The following SHC3 variants were observed in gnomAD, a reference collection of about 807,000 sequenced individuals.
SHC3 encodes the protein SHC-transforming protein 3.
Under a neutral mutation model 60.4 loss-of-function variants are expected in SHC3, and 15 were observed. The observed-to-expected ratio is 0.25, with a 90% CI of 0.17 to 0.38. The LOEUF (loss-of-function observed/expected upper bound fraction) is 0.38, where lower values mean the gene tolerates loss of function less well. SHC3 is among the 10% of genes least tolerant of loss of function. The pLI is 1.00. For synonymous variants in SHC3, 294 were observed against 325.9 expected (o/e 0.90, Z 1.05); for missense variants, 677 against 786.1 (o/e 0.86, Z 1.66).
rs374660769 is a variant in SHC3 at position 89,067,774 on chromosome 9, CA to C, written c.784-2195del. Among the ~76,000 whole-genome samples the C allele has an allele frequency of 3.4e-3, 519 of 152,254 alleles. 4 individuals are homozygous for C. Among genetic ancestry groups the C allele is most frequent in the African/African-American group, 0.012 (502 of 41,554 alleles). On this transcript the variant is annotated intron_variant, in intron 5 of 11. Transcript: ENST00000375835. ...TTTCAGCGAACTTTGTCCATCATAG[CA>C]AAGTAATATTACATTGAATGTCATT... is the stretch of plus-strand genomic sequence containing the variant.
intron 1 of SHC3, among the ~76,000 whole-genome samples, chr9:89,145,599 A>C (rs1314971878): frequency 6.6e-6 from 1 of 152,262 alleles, no homozygotes; most frequent in Non-Finnish European, 1.5e-5. Flanking sequence ...CAAAGTACAG[A>C]AGTAAGAATA....
chr9:89,088,202 G>A (rs1031702236), intron 2 of SHC3, among the ~76,000 whole-genome samples: 3 of 152,204 alleles, frequency 2.0e-5, no homozygotes, highest in Admixed American at 1.3e-4. Context: ...TCTTAACCCC[G>A]ACACTCCTTT....
intron 1 of SHC3, among the ~76,000 whole-genome samples, chr9:89,158,885 T>C (rs1826665246): frequency 6.6e-6 from 1 of 152,212 alleles, no homozygotes; most frequent in East Asian, 1.9e-4. Context: ...TGACATTTGC[T>C]TTGTTGGGTG....
intron 10 of SHC3, among the ~76,000 whole-genome samples, chr9:89,041,649 G>A (rs1587690589): frequency 1.3e-5 from 2 of 152,330 alleles, no homozygotes; most frequent in Admixed American, 1.3e-4. Flanking sequence ...CTAGAGATCC[G>A]TGGAAACACG....
intron 4 of SHC3, 132 bp from the exon 5 acceptor site, chr9:89,071,384 G>T: frequency 1.2e-6 from 1 of 821,582 alleles, no homozygotes; most frequent in South Asian, 1.8e-5. Context: ...TAAAAATAAT[G>T]ATTATAAAAG....
intron 10 of SHC3, among the ~76,000 whole-genome samples, chr9:89,040,627 T>G (rs1474620276): frequency 6.6e-6 from 1 of 152,164 alleles, no homozygotes; most frequent in African/African-American, 2.4e-5. Context: ...CTATAACAAC[T>G]CCAGCAAAAG....
In SHC3 at chr9:89,102,025, C is replaced by CT. The variant is rs1220062651; in HGVS notation, c.545+10530dup. 4.6e-5 allele frequency among the ~76,000 whole-genome samples: 7 copies of CT among 152,156 alleles called. No individual in the cohort carries two copies. In the East Asian group the frequency reaches 1.2e-3, roughly 25 times the overall value. ...AGATACAGGCCTATTCAGATTATCT[C>CT]TTTTTTTCTTTAGCAAACATTAGTA... On this transcript the variant is annotated intron_variant, in intron 2 of 11. Transcript: ENST00000375835.
chr9:89,172,835 T>C (rs890554389), intron 1 of SHC3, among the ~76,000 whole-genome samples: 2 of 152,192 alleles, frequency 1.3e-5, no homozygotes, highest in South Asian at 4.1e-4. Context: ...CTTGGGTATT[T>C]TCATTGAACA....
intron 9 of SHC3, among the ~76,000 whole-genome samples, chr9:89,044,236 T>C (rs1824736697): frequency 6.6e-6 from 1 of 152,172 alleles, no homozygotes; most frequent in Non-Finnish European, 1.5e-5. Flanking sequence ...CAAGGATAAA[T>C]AGCCCATAAT....
intron 1 of SHC3, among the ~76,000 whole-genome samples, chr9:89,171,834 A>G (rs1257672417): frequency 6.6e-6 from 1 of 152,150 alleles, no homozygotes; most frequent in Admixed American, 6.5e-5. Flanking sequence ...TAGAAACCCA[A>G]ATCTTCACTA....
At chr9:89,086,643 A>G (rs532783840) in intron 2 of SHC3, among the ~76,000 whole-genome samples, 35 of 152,268 alleles carry the variant, frequency 2.3e-4, no homozygotes, top group African/African-American at 8.2e-4. Context: ...TGATCACTTA[A>G]TCTTCAGCCC....
At chr9:89,131,215 T>G (rs981764718) in intron 1 of SHC3, among the ~76,000 whole-genome samples, 1 of 152,096 alleles carries the variant, frequency 6.6e-6, no homozygotes, top group African/African-American at 2.4e-5. Flanking sequence ...AAGGAAGAAG[T>G]TGAATCCCTG....
intron 1 of SHC3, among the ~76,000 whole-genome samples, chr9:89,160,409 T>C (rs187717508): frequency 1.3e-5 from 2 of 152,284 alleles, no homozygotes; most frequent in Admixed American, 6.5e-5. Flanking sequence ...TTAACACCTT[T>C]TTAGAACATA....
intron 1 of SHC3, among the ~76,000 whole-genome samples, chr9:89,122,157 C>T (rs1329038016): frequency 6.6e-6 from 1 of 152,230 alleles, no homozygotes; most frequent in African/African-American, 2.4e-5. Context: ...ATCCATTTCA[C>T]ATGCACTCAT....
At chr9:89,035,872 T>C (rs1824570933) in intron 11 of SHC3, among the ~76,000 whole-genome samples, 1 of 147,754 alleles carries the variant, frequency 6.8e-6, no homozygotes, top group Admixed American at 6.8e-5. Flanking sequence ...TGTGTGTGTG[T>C]GTGTGTGTGT....
rs571159974 is a variant in SHC3, at chr9:89,009,411, A to G, written c.*4036T>C. On this transcript the variant is annotated 3_prime_UTR_variant, in exon 12 of 12. Coordinates refer to ENST00000375835, the MANE Select transcript of SHC3 (RefSeq NM_016848.6). ...TCCACAATCTTCCCACTCACTCCCA[A>G]TCCTACTGTCACCGTCCACAGAAAG... 14 of 152,250 alleles carry G rather than the reference A, an allele frequency of 9.2e-5. No individual in the cohort carries two copies. In the South Asian group the frequency reaches 1.0e-3, roughly 11 times the overall value. 9.4% of individuals were successfully genotyped at this position (152,250 alleles called of 1,614,324 possible).
At chr9:89,080,649 C>T (rs983081297) in intron 2 of SHC3, among the ~76,000 whole-genome samples, 1 of 151,110 alleles carries the variant, frequency 6.6e-6, no homozygotes, top group Non-Finnish European at 1.5e-5. Flanking sequence ...TATCTCTTGC[C>T]TTATATGCAA....
intron 2 of SHC3, 142 bp from the exon 3 acceptor site, chr9:89,078,045 C>T (rs1031211449): frequency 7.0e-5 from 63 of 900,456 alleles, no homozygotes; most frequent in Non-Finnish European, 1.0e-4. Context: ...GGGAGTCATC[C>T]GATTCTTCTT....
At chr9:89,145,684 C>T (rs1259391598) in intron 1 of SHC3, among the ~76,000 whole-genome samples, 2 of 152,090 alleles carry the variant, frequency 1.3e-5, no homozygotes, top group Non-Finnish European at 2.9e-5. Context: ...GCACTAAATG[C>T]CTAACAAGAT....
Sources: gnomAD v4.1 joint callset for allele counts (sites outside exome capture counted in the v4.1 genomes callset) on GRCh38, gnomAD v4.1.1 for gene constraint, MANE v1.5 for transcripts, NCBI Gene and HGNC (gene_info 2026-07-23, HGNC 2026-07-21) for gene names.